The following SPATA17 variants were observed in gnomAD, a reference collection of about 807,000 sequenced individuals.
The protein encoded by SPATA17 is spermatogenesis associated 17.
Under a neutral mutation model 62.2 loss-of-function variants are expected in SPATA17, and 53 were observed. The ratio of observed to expected loss-of-function variants is 0.85; its 90% CI spans 0.68 to 1.07. SPATA17 has a LOEUF of 1.07. Among genes scored for constraint, SPATA17 ranks in the 50% least tolerant of loss-of-function variants. The pLI is 0.00. For synonymous variants in SPATA17, 146 were observed against 146.8 expected (o/e 0.99, Z 0.04); for missense variants, 466 against 425.5 (o/e 1.10, Z -0.84).
At chr1:217,700,022 G>A (rs1211658230) in intron 5 of SPATA17, among the ~76,000 whole-genome samples, 1 of 152,026 alleles carries the variant, frequency 6.6e-6, no homozygotes, top group East Asian at 1.9e-4. Context: ...TTTTGTCTAT[G>A]TGTCTATCCC....
intron 5 of SPATA17, among the ~76,000 whole-genome samples, chr1:217,701,488 C>T (rs936338151): frequency 2.0e-5 from 3 of 151,844 alleles, no homozygotes; most frequent in Non-Finnish European, 2.9e-5. Context: ...CAGGTTCAAG[C>T]GATTCTCCTG....
At chr1:217,768,286 T>C (rs1489068281) in intron 6 of SPATA17, among the ~76,000 whole-genome samples, 1 of 151,996 alleles carries the variant, frequency 6.6e-6, no homozygotes, top group African/African-American at 2.4e-5. Flanking sequence ...GAGATTCTCA[T>C]TTTATACAGA....
At chr1:217,773,461 A>G (rs1167358210) in intron 6 of SPATA17, among the ~76,000 whole-genome samples, 3 of 152,204 alleles carry the variant, frequency 2.0e-5, no homozygotes, top group Admixed American at 2.0e-4. Context: ...ACCATATATC[A>G]AAGATTGGTA....
intron 9 of SPATA17, among the ~76,000 whole-genome samples, chr1:217,829,288 A>G (rs1675074129): frequency 6.6e-6 from 1 of 152,070 alleles, no homozygotes; most frequent in Non-Finnish European, 1.5e-5. Flanking sequence ...CATTTAGCAC[A>G]ACATAAATGA....
chr1:217,749,985 CTATATATA>C lies in SPATA17; in HGVS notation c.519+7907_519+7914del, dbSNP rs57489651. 7.3e-4 allele frequency among the ~76,000 whole-genome samples: 9 copies of C among 12,316 alleles called. 1 individual carries two copies. Among genetic ancestry groups the C allele is most frequent in the Middle Eastern group, 0.031 (1 of 32 alleles). 8.1% of individuals were successfully genotyped at this position (12,316 alleles called of 152,430 possible). On this transcript the variant is annotated intron_variant, in intron 6 of 10. Coordinates refer to ENST00000366933, the MANE Select transcript of SPATA17 (RefSeq NM_138796.4). ...TCTCTCTCTCTCTCTCTCTCTCTCT[CTATATATA>C]TATATATATATATATATATGAGGTA... is the stretch of plus-strand genomic sequence containing the variant.
chr1:217,634,805 A>T (rs142615088), intron 1 of SPATA17, among the ~76,000 whole-genome samples: 1 of 152,346 alleles, frequency 6.6e-6, no homozygotes, highest in Non-Finnish European at 1.5e-5. Flanking sequence ...GGTTAGAAGC[A>T]AGATGGAGTT....
intron 6 of SPATA17, among the ~76,000 whole-genome samples, chr1:217,745,700 G>A (rs1672731906): frequency 6.6e-6 from 1 of 151,914 alleles, no homozygotes. Flanking sequence ...TACTGTGCTA[G>A]GACTTTAGTA....
At chr1:217,664,327 C>T (rs904180498) in intron 3 of SPATA17, among the ~76,000 whole-genome samples, 1 of 124,384 alleles carries the variant, frequency 8.0e-6, no homozygotes. Flanking sequence ...GAGTCTCACT[C>T]TGTTGCCCAG....
At chr1:217,763,909 A>G (rs1330264447) in intron 6 of SPATA17, among the ~76,000 whole-genome samples, 1 of 152,154 alleles carries the variant, frequency 6.6e-6, no homozygotes, top group Non-Finnish European at 1.5e-5. Context: ...TTAAAAAAAT[A>G]GGCTTTATAT....
At chr1:217,850,549 T>C in intron 9 of SPATA17, 1 of 1,592,614 alleles carries the variant, frequency 6.3e-7, no homozygotes, top group Non-Finnish European at 8.6e-7. Flanking sequence ...TCCTGGATAT[T>C]GGCCTTCACA....
At chr1:217,857,966 C>CA (rs1461133943) in intron 9 of SPATA17, among the ~76,000 whole-genome samples, 2 of 152,172 alleles carry the variant, frequency 1.3e-5, no homozygotes, top group Middle Eastern at 6.8e-3. Flanking sequence ...TTGCAGACAC[C>CA]AAAATGTTAC....
chr1:217,744,578 A>AAAT (rs1357024011), intron 6 of SPATA17, among the ~76,000 whole-genome samples: 14 of 152,286 alleles, frequency 9.2e-5, no homozygotes, highest in African/African-American at 3.1e-4. Context: ...TTGTATTAAC[A>AAAT]AATACAAGCT....
intron 9 of SPATA17, among the ~76,000 whole-genome samples, chr1:217,810,885 GA>G (rs1452722522): frequency 2.6e-5 from 4 of 151,960 alleles, no homozygotes; most frequent in African/African-American, 7.2e-5. Context: ...CAGCATAGGG[GA>G]AACCACCCCT....
At chr1:217,639,188 T>G (rs1670001754) in intron 1 of SPATA17, among the ~76,000 whole-genome samples, 1 of 152,120 alleles carries the variant, frequency 6.6e-6, no homozygotes, top group Non-Finnish European at 1.5e-5. Context: ...GGAAAAATAA[T>G]CTCATAAGAT....
At chr1:217,841,246 G>A (rs1675388912) in intron 9 of SPATA17, among the ~76,000 whole-genome samples, 1 of 151,872 alleles carries the variant, frequency 6.6e-6, no homozygotes, top group Non-Finnish European at 1.5e-5. Context: ...ATTATTTTCA[G>A]GGATAAAGAA....
At chr1:217,733,859 C>T (rs1354962725) in intron 5 of SPATA17, among the ~76,000 whole-genome samples, 1 of 152,138 alleles carries the variant, frequency 6.6e-6, no homozygotes, top group Non-Finnish European at 1.5e-5. Flanking sequence ...GAAACTCAGG[C>T]GCAACCTGAG....
At chr1:217,840,120 G>T (rs1369222984) in intron 9 of SPATA17, among the ~76,000 whole-genome samples, 1 of 152,112 alleles carries the variant, frequency 6.6e-6, no homozygotes, top group African/African-American at 2.4e-5. Context: ...CCCACTATGT[G>T]CACAGTAATG....
rs192632944 is a variant in SPATA17, at chr1:217,756,350, T to A, written c.519+14252T>A. Reference sequence around the variant, plus strand: ...TTTTTTTTGAAGGACAAATCTTATATACCAAGAAAAGGCAAAGGGGAAAGC... The same window carrying A: ...TTTTTTTTGAAGGACAAATCTTATAAACCAAGAAAAGGCAAAGGGGAAAGC... On this transcript the variant is annotated intron_variant, in intron 6 of 10. Transcript: ENST00000366933. Among the ~76,000 whole-genome samples the A allele has an allele frequency of 1.0e-3, 155 of 152,026 alleles. 1 individual carries two copies. The Middle Eastern group carries it at 0.014, about 13-fold the overall frequency.
chr1:217,742,702 C>T (rs991904967), intron 6 of SPATA17, among the ~76,000 whole-genome samples: 1 of 152,066 alleles, frequency 6.6e-6, no homozygotes, highest in South Asian at 2.1e-4. Flanking sequence ...GTGGAATAGT[C>T]TCAAAAAGAA....
Sources: gnomAD v4.1 joint callset for allele counts (sites outside exome capture counted in the v4.1 genomes callset) on GRCh38, gnomAD v4.1.1 for gene constraint, MANE v1.5 for transcripts, NCBI Gene and HGNC (gene_info 2026-07-23, HGNC 2026-07-21) for gene names.